ZMYND8: variants seen among roughly 807,000 people sequenced by gnomAD.
ZMYND8 encodes MYND-type zinc finger-containing chromatin reader ZMYND8.
In ZMYND8, 37 loss-of-function variants were observed where a neutral mutation model predicts 140.8. The ratio of observed to expected loss-of-function variants is 0.26; its 90% confidence interval spans 0.20 to 0.35. The LOEUF (loss-of-function observed/expected upper bound fraction) is 0.35, where lower values mean the gene tolerates loss of function less well. Among genes scored for constraint, ZMYND8 ranks in the 10% least tolerant of loss-of-function variants. The pLI, the probability that ZMYND8 is intolerant of heterozygous loss-of-function variation, is 1.00. For missense variants in ZMYND8, 1,068 were observed against 1,570.0 expected (o/e 0.68, Z 5.40); for synonymous variants, 592 against 597.1 (o/e 0.99, Z 0.12).
chr20:47,301,990 C>T (rs758643195), intron 3 of ZMYND8, among the ~76,000 whole-genome samples: 14 of 94,994 alleles, frequency 1.5e-4, no homozygotes, highest in African/African-American at 6.3e-4. Flanking sequence ...CACTTCTCCT[C>T]GAAGCAGCCA....
chr20:47,288,614 G>C (rs183057676), intron 7 of ZMYND8, among the ~76,000 whole-genome samples: 1 of 151,766 alleles, frequency 6.6e-6, no homozygotes, highest in Non-Finnish European at 1.5e-5. Context: ...AGCTGATCTC[G>C]AACCCCTGAC....
chr20:47,336,412 T>A (rs981314619), intron 2 of ZMYND8, among the ~76,000 whole-genome samples: 4 of 152,198 alleles, frequency 2.6e-5, no homozygotes, highest in Non-Finnish European at 5.9e-5. Flanking sequence ...CAGACATTTT[T>A]AAAAATGGTT....
At chr20:47,250,866 A>G (rs1234063293) in intron 12 of ZMYND8, among the ~76,000 whole-genome samples, 2 of 152,202 alleles carry the variant, frequency 1.3e-5, no homozygotes, top group African/African-American at 4.8e-5. Context: ...ATAAGATTAG[A>G]AAGAGGTCTT....
At chr20:47,331,166 T>C (rs2148449375) in intron 2 of ZMYND8, among the ~76,000 whole-genome samples, 1 of 152,236 alleles carries the variant, frequency 6.6e-6, no homozygotes, top group South Asian at 2.1e-4. Flanking sequence ...GTTTTGCAAT[T>C]ATGAATCTAA....
At chr20:47,356,556 T>C (rs2083257394) in intron 1 of ZMYND8, 101 bp downstream of exon 1, 24 of 1,612,734 alleles carry the variant, frequency 1.5e-5, no homozygotes, top group South Asian at 1.1e-4. Flanking sequence ...GCTCTGGGGG[T>C]GAGTGTGGCA....
intron 2 of ZMYND8, among the ~76,000 whole-genome samples, chr20:47,333,089 G>A (rs906094142): frequency 6.6e-6 from 1 of 152,054 alleles, no homozygotes; most frequent in Admixed American, 6.6e-5. Context: ...GCTCATGCCT[G>A]TAATCCCAAC....
chr20:47,226,973 T>A (rs1346061148), intron 18 of ZMYND8, among the ~76,000 whole-genome samples: 9 of 152,186 alleles, frequency 5.9e-5, no homozygotes, highest in Admixed American at 5.9e-4. Context: ...ATCCTCATTA[T>A]TTTATTGTTG....
intron 1 of ZMYND8, chr20:47,352,406 C>A: frequency 1.0e-6 from 1 of 969,776 alleles, no homozygotes; most frequent in Non-Finnish European, 1.2e-6. Flanking sequence ...CAGTTAACAT[C>A]AAGGAAAGAC....
chr20:47,240,099 CGTG>C (rs150444013), intron 14 of ZMYND8, among the ~76,000 whole-genome samples: 3,125 of 151,828 alleles, frequency 0.021, 58 homozygotes, highest in African/African-American at 0.054. Flanking sequence ...ATTAGCCAGA[CGTG>C]GTGGGAAACT....
chr20:47,279,275 GT>G (rs939232666), intron 10 of ZMYND8, among the ~76,000 whole-genome samples: 8 of 152,072 alleles, frequency 5.3e-5, no homozygotes, highest in Non-Finnish European at 1.2e-4. Context: ...CTTGAGACCA[GT>G]CTGGCCAACA....
At chr20:47,227,605 A>G (rs2037878234) in intron 17 of ZMYND8, among the ~76,000 whole-genome samples, 1 of 151,956 alleles carries the variant, frequency 6.6e-6, no homozygotes, top group Non-Finnish European at 1.5e-5. Context: ...AACAAATACA[A>G]AGATAGCTGG....
At position 47,276,516 on chromosome 20, in the gene ZMYND8, G is replaced by C. The variant is rs1167789575; in HGVS notation, c.1278C>G (p.Ser426=). 6.2e-7 allele frequency: 1 copy of C among 1,614,070 alleles called. No homozygotes were observed. The highest frequency in any genetic ancestry group is 1.1e-5 in the South Asian group (1 of 91,076). Residue 426 remains serine, a synonymous_variant, in exon 11 of 23, where the codon TCC becomes TCG. Coordinates refer to ENST00000471951, the MANE Select transcript of ZMYND8 (RefSeq NM_001281775.3). ...CAGGCTTGCTCATCAGGATCTTGGG[G>C]GATGCCGTCATGTCAAAGTTGAGCT... The part of the protein sequence containing the change: ...KVKLNFDMTA[S]PKILMSKPVL...
chr20:47,324,133 C>T (rs111437029), intron 2 of ZMYND8, among the ~76,000 whole-genome samples: 273 of 145,098 alleles, frequency 1.9e-3, no homozygotes, highest in African/African-American at 6.1e-3. Flanking sequence ...ACCCGGGAGG[C>T]GGAGGTTGCC....
At chr20:47,325,955 TTATTTATC>T (rs1315066694) in intron 2 of ZMYND8, among the ~76,000 whole-genome samples, 5 of 151,740 alleles carry the variant, frequency 3.3e-5, no homozygotes, top group African/African-American at 1.2e-4. Context: ...TTTATTTTAT[TTATTTATC>T]TATTTATTTT....
chr20:47,326,179 T>G (rs1464049615), intron 2 of ZMYND8, among the ~76,000 whole-genome samples: 1 of 152,096 alleles, frequency 6.6e-6, no homozygotes, highest in Non-Finnish European at 1.5e-5. Flanking sequence ...AGGCTGGTCT[T>G]GAACTCCTGA....
intron 2 of ZMYND8, among the ~76,000 whole-genome samples, chr20:47,324,024 A>C (rs55994123): frequency 0.26 from 39,333 of 151,102 alleles, 9,229 homozygotes; most frequent in African/African-American, 0.63. Flanking sequence ...CATGGTGAAA[A>C]CCTGTCTCCA....
At position 47,298,307 on chromosome 20, in the gene ZMYND8, C is replaced by A. The variant is rs1186936254; in HGVS notation, c.453+422G>T. ...ACGGCCACTACAGGGAACATGCAAC[C>A]AAACGTGGTCTTCTCAGCTTGGCTA... On this transcript the variant is annotated intron_variant, in intron 4 of 22. Transcript: ENST00000471951. The surrounding 1 kb of genome is among the most constrained non-coding windows in gnomAD (Gnocchi z 5.0). 3 of 985,254 alleles carry A rather than the reference C, an allele frequency of 3.0e-6. No individual in the cohort carries two copies. 61.0% of individuals were successfully genotyped at this position (985,254 alleles called of 1,614,324 possible).
At chr20:47,249,462 C>A in intron 12 of ZMYND8, 23 bp from the exon 13 acceptor site, 1 of 1,612,476 alleles carries the variant, frequency 6.2e-7, no homozygotes, top group Non-Finnish European at 8.5e-7. Context: ...ATCACACCCT[C>A]GTAAGATCAG....
chr20:47,283,444 G>T (rs758039813), intron 9 of ZMYND8, 127 bp downstream of exon 9: 1 of 939,634 alleles, frequency 1.1e-6, no homozygotes, highest in Non-Finnish European at 1.6e-6. Context: ...AATTTTATCA[G>T]CAAAAAATTA....
Sources: gnomAD v4.1 joint callset for allele counts (sites outside exome capture counted in the v4.1 genomes callset) on GRCh38, gnomAD v4.1.1 for gene constraint, Gnocchi (gnomAD v3.1) non-coding constraint, MANE v1.5 for transcripts, NCBI Gene and HGNC (gene_info 2026-07-23, HGNC 2026-07-21) for gene names.